Variants in PALLD observed in about 807,000 individuals in gnomAD.
PALLD encodes the protein palladin.
A neutral mutation model predicts 123.5 loss-of-function variants in PALLD; 61 were observed. The observed-to-expected ratio is 0.49, with a 90% CI of 0.40 to 0.61. PALLD has a LOEUF of 0.61. PALLD is among the 20% of genes least tolerant of loss of function. The probability of loss-of-function intolerance (pLI) is 0.00; values close to 1 mark genes in which losing one functional copy is unlikely to be tolerated. For synonymous variants in PALLD, 465 were observed against 496.4 expected (o/e 0.94, Z 0.84); for missense variants, 1,273 against 1,377.0 (o/e 0.92, Z 1.20).
chr4:168,927,628 A>AAAT lies in PALLD; in HGVS notation c.*1449_*1451dup, dbSNP rs554543047. 8.8e-6 allele frequency: 2 copies of AAAT among 227,370 alleles called. No homozygotes were observed. The highest frequency in any genetic ancestry group is 1.8e-5 in the Non-Finnish European group (2 of 114,222). The allele number at this position is 227,370 out of a possible 1,614,324, so 14.1% of individuals were successfully genotyped here. A position where few individuals can be genotyped will look rare whatever the true frequency, so the allele number is the denominator to read the frequency against. Reference sequence around the variant, plus strand: ...AAAGACACCAAGATGTGGTAAATGAAAATTATTAGTTCACTTCCCTGCTGC... The same window carrying AAAT: ...AAAGACACCAAGATGTGGTAAATGAAAATAATTATTAGTTCACTTCCCTGCTGC... On this transcript the variant is annotated 3_prime_UTR_variant, in exon 22 of 22. Coordinates refer to ENST00000505667, the MANE Select transcript of PALLD (RefSeq NM_001166108.2).
chr4:168,832,339 G>A (rs907591093), intron 10 of PALLD, among the ~76,000 whole-genome samples: 2 of 152,008 alleles, frequency 1.3e-5, no homozygotes, highest in Non-Finnish European at 2.9e-5. Context: ...GTTCCTTCCC[G>A]AGCCCTCTCC....
chr4:168,594,653 A>C (rs562952207), intron 2 of PALLD, among the ~76,000 whole-genome samples: 1 of 152,278 alleles, frequency 6.6e-6, no homozygotes, highest in South Asian at 2.1e-4. Flanking sequence ...ATATATTACA[A>C]ATGAGCATTC....
chr4:168,884,776 C>T (rs1485055786), intron 10 of PALLD, among the ~76,000 whole-genome samples: 2 of 152,202 alleles, frequency 1.3e-5, no homozygotes, highest in Non-Finnish European at 2.9e-5. Context: ...ACTCCTTCCC[C>T]TCTTCCATTC....
chr4:168,519,514 A>T (rs901249212), intron 2 of PALLD, among the ~76,000 whole-genome samples: 22 of 76,002 alleles, frequency 2.9e-4, no homozygotes, highest in African/African-American at 1.3e-3. Flanking sequence ...GAGCTTTTTA[A>T]AATGTTTTTT....
chr4:168,809,247 G>T lies in PALLD; in HGVS notation c.1965-81675G>T, dbSNP rs6848736. ...TCTAGCTTCTGAGAAATTCCCTCAG[G>T]GTAAAACAGCTTTAAGTGCTCTGCT... On this transcript the variant is annotated intron_variant, in intron 10 of 21. Transcript: ENST00000505667. Among the ~76,000 whole-genome samples, 1,470 of 151,980 alleles carry T rather than the reference G, an allele frequency of 9.7e-3. 23 individuals are homozygous for T. Among genetic ancestry groups the T allele is most frequent in the African/African-American group, 0.034 (1,395 of 41,466 alleles).
In PALLD at chr4:168,922,098, TATATAC is replaced by T. The variant is rs1394448163; in HGVS notation, c.3058+359_3058+364del. On this transcript the variant is annotated intron_variant, in intron 18 of 21. Coordinates refer to ENST00000505667, the MANE Select transcript of PALLD (RefSeq NM_001166108.2). ...AAAGTTTTATATTTATATATATATA[TATATAC>T]ACACACACACACACACACACACACA... is the stretch of plus-strand genomic sequence containing the variant. 4.2e-3 allele frequency among the ~76,000 whole-genome samples: 451 copies of T among 107,614 alleles called. 2 individuals carry two copies. Among genetic ancestry groups the T allele is most frequent in the African/African-American group, 8.0e-3 (257 of 31,960 alleles). 70.6% of individuals were successfully genotyped at this position (107,614 alleles called of 152,430 possible). A position where few individuals can be genotyped will look rare whatever the true frequency, so the allele number is the denominator to read the frequency against.
intron 2 of PALLD, among the ~76,000 whole-genome samples, chr4:168,618,692 T>C (rs1313605399): frequency 6.6e-6 from 1 of 152,232 alleles, no homozygotes; most frequent in African/African-American, 2.4e-5. Context: ...TAGTCCATCA[T>C]AGTCTGAAGC....
At chr4:168,909,047 G>A (rs1212840607) in intron 15 of PALLD, among the ~76,000 whole-genome samples, 2 of 152,158 alleles carry the variant, frequency 1.3e-5, no homozygotes, top group Non-Finnish European at 2.9e-5. Context: ...ATTCATAAGA[G>A]ACCAAAGCAA....
chr4:168,903,670 G>C lies in PALLD; in HGVS notation c.2473-87G>C. Reference sequence around the variant, plus strand: ...TAACATGAAAACTCAGATCAGCTCTGCAAACCACACTGTTACTATTTTCAG... The same window carrying C: ...TAACATGAAAACTCAGATCAGCTCTCCAAACCACACTGTTACTATTTTCAG... On this transcript the variant is annotated intron_variant, in intron 14 of 21. Coordinates refer to ENST00000505667, the MANE Select transcript of PALLD (RefSeq NM_001166108.2). 7.1e-6 allele frequency: 8 copies of C among 1,125,104 alleles called. No homozygotes were observed. In the South Asian group the frequency reaches 1.0e-4, roughly 14 times the overall value. The allele number at this position is 1,125,104 out of a possible 1,614,324, so 69.7% of individuals were successfully genotyped here.
At position 168,547,566 on chromosome 4, in the gene PALLD, C is replaced by CAAAAAAAAAAA. The variant is rs11339394; in HGVS notation, c.908+35165_908+35175dup. Among the ~76,000 whole-genome samples the CAAAAAAAAAAA allele has an allele frequency of 1.8e-4, 13 of 70,918 alleles. 1 individual carries two copies. The highest frequency in any genetic ancestry group is 2.0e-4 in the Non-Finnish European group (8 of 39,114). The allele number at this position is 70,918 out of a possible 152,430, so 46.5% of individuals were successfully genotyped here. A position where few individuals can be genotyped will look rare whatever the true frequency, so the allele number is the denominator to read the frequency against. ...GTGAAACATTATCTCTAATAAAATA[C>CAAAAAAAAAAA]AAAAAAAAAAAAAAAAAAAAAGCCA... On this transcript the variant is annotated intron_variant, in intron 2 of 21. Transcript: ENST00000505667.
chr4:168,682,852 A>G (rs2150089883), intron 4 of PALLD, 146 bp from the exon 5 acceptor site: 2 of 595,694 alleles, frequency 3.4e-6, no homozygotes, highest in Middle Eastern at 4.8e-4. Flanking sequence ...TGTGGAAGCA[A>G]TTACAGTTGA....
At chr4:168,601,598 G>T (rs938156445) in intron 2 of PALLD, among the ~76,000 whole-genome samples, 5 of 151,758 alleles carry the variant, frequency 3.3e-5, no homozygotes, top group Non-Finnish European at 1.5e-5. Flanking sequence ...CCAACCCTCC[G>T]CTTCCTGATC....
chr4:168,625,517 ATCCTATAAGGG>A (rs1775176204), intron 2 of PALLD, among the ~76,000 whole-genome samples: 6 of 144,076 alleles, frequency 4.2e-5, no homozygotes, highest in Non-Finnish European at 9.1e-5. Context: ...ATATATATAT[ATCCTATAAGGG>A]GTTAATATTC....
At chr4:168,591,036 T>C (rs576888243) in intron 2 of PALLD, among the ~76,000 whole-genome samples, 1 of 152,044 alleles carries the variant, frequency 6.6e-6, no homozygotes, top group African/African-American at 2.4e-5. Flanking sequence ...TGTGCCACCA[T>C]ACCCAGCTAA....
At chr4:168,799,192 A>G (rs1052447278) in intron 10 of PALLD, among the ~76,000 whole-genome samples, 3 of 152,156 alleles carry the variant, frequency 2.0e-5, no homozygotes, top group Admixed American at 1.3e-4. Flanking sequence ...GGCTGCTGGG[A>G]TTGGCCAAGA....
At chr4:168,891,166 A>G in intron 11 of PALLD, 109 bp downstream of exon 11, 1 of 1,088,512 alleles carries the variant, frequency 9.2e-7, no homozygotes, top group South Asian at 1.3e-5. Flanking sequence ...CATCATTATT[A>G]TTATTATTAT....
chr4:168,711,715 C>A lies in PALLD; in HGVS notation c.1756C>A (p.Gln586Lys). 1.9e-6 allele frequency: 3 copies of A among 1,614,138 alleles called. No individual in the cohort carries two copies. The highest frequency in any genetic ancestry group is 2.5e-6 in the Non-Finnish European group (3 of 1,179,994). The part of the protein sequence containing the change: ...LASKKPSEIQ[Q>K]VNNPELGLSR... ...TTCAAAGAAACCATCTGAGATCCAG[C>A]AGGTGAACAACCCTGAGTTAGGCCT... is the stretch of plus-strand genomic sequence containing the variant. Residue 586 changes from glutamine to lysine, a missense_variant, in exon 10 of 22, where the codon CAG becomes AAG. Transcript: ENST00000505667.
rs139180527 is a variant in PALLD, at chr4:168,723,588, G to C, written c.1964+11665G>C. Among the ~76,000 whole-genome samples, 35 of 152,348 alleles carry C rather than the reference G, an allele frequency of 2.3e-4. No individual in the cohort carries two copies. The East Asian group carries it at 6.8e-3, about 29-fold the overall frequency. On this transcript the variant is annotated intron_variant, in intron 10 of 21. Coordinates refer to ENST00000505667, the MANE Select transcript of PALLD (RefSeq NM_001166108.2). ...AGGAGGAAGAAAGCTATAGTGCAGA[G>C]TTTTGCACTACGAACCTCTGGATGC...
At chr4:168,567,542 G>GTGTGTGTGTGT (rs150508313) in intron 2 of PALLD, among the ~76,000 whole-genome samples, 9 of 145,514 alleles carry the variant, frequency 6.2e-5, no homozygotes, top group Non-Finnish European at 1.2e-4. Flanking sequence ...AAGAAAATGT[G>GTGTGTGTGTGT]GTGTGTGTGT....
Sources: gnomAD v4.1 joint callset for allele counts (sites outside exome capture counted in the v4.1 genomes callset) on GRCh38, gnomAD v4.1.1 for gene constraint, MANE v1.5 for transcripts, NCBI Gene and HGNC (gene_info 2026-07-23, HGNC 2026-07-21) for gene names.